Variants in MAF observed in about 807,000 individuals in gnomAD.
The protein encoded by MAF is MAF bZIP transcription factor, also known as transcription factor Maf.
MAF carries 10 observed loss-of-function variants against 22.0 expected under a neutral mutation model. The observed-to-expected ratio is 0.45, with a 90% CI of 0.28 to 0.77. MAF has a LOEUF of 0.77. Ranked by LOEUF, MAF falls within the 30% of genes least tolerant of loss-of-function variation. The probability of loss-of-function intolerance (pLI) is 0.12; values close to 1 mark genes in which losing one functional copy is unlikely to be tolerated. For synonymous variants in MAF, 337 were observed against 255.8 expected, an observed-to-expected ratio of 1.32 and a Z score of -3.03; for missense variants, 544 against 548.4, an observed-to-expected ratio of 0.99 and a Z score of 0.08.
chr16:79,286,947 C>A, the MAF span, among the ~76,000 whole-genome samples: 33 of 152,212 alleles, frequency 2.2e-4, 1 homozygote, highest in African/African-American at 4.8e-4. Flanking sequence ...TGGCAAAAAA[C>A]CAAAAAACAA....
chr16:79,374,753 G>C, the MAF span, among the ~76,000 whole-genome samples: 1 of 152,130 alleles, frequency 6.6e-6, no homozygotes, highest in African/African-American at 2.4e-5. Context: ...AATTGGAAGA[G>C]GTAATTTATT....
At chr16:79,221,560 G>T in the MAF span, among the ~76,000 whole-genome samples, 1 of 152,294 alleles carries the variant, frequency 6.6e-6, no homozygotes, top group East Asian at 1.9e-4. Context: ...AAATCACTAT[G>T]ATCCTTATTA....
chr16:79,512,019 A>G, the MAF span, among the ~76,000 whole-genome samples: 4 of 152,194 alleles, frequency 2.6e-5, no homozygotes, highest in Non-Finnish European at 5.9e-5. Flanking sequence ...CCTGACACCC[A>G]GTGCACGAAC....
the MAF span, among the ~76,000 whole-genome samples, chr16:79,496,603 A>G: frequency 2.0e-5 from 3 of 152,350 alleles, no homozygotes; most frequent in Admixed American, 2.0e-4. Context: ...GCCTTCATCT[A>G]TATAAATCGA....
chr16:79,335,843 G>A, the MAF span, among the ~76,000 whole-genome samples: 10 of 152,204 alleles, frequency 6.6e-5, no homozygotes, highest in African/African-American at 2.2e-4. Context: ...GCTCAGAGGG[G>A]ACAAGAGGCA....
the MAF span, among the ~76,000 whole-genome samples, chr16:79,476,207 A>G: frequency 6.6e-6 from 1 of 152,162 alleles, no homozygotes; most frequent in African/African-American, 2.4e-5. Flanking sequence ...AAAGACCTGG[A>G]GCCAGAGATG....
the MAF span, among the ~76,000 whole-genome samples, chr16:79,563,689 T>A: frequency 3.9e-5 from 6 of 152,244 alleles, no homozygotes; most frequent in Non-Finnish European, 8.8e-5. Context: ...TGGCTTACAT[T>A]ATATTTCTTA....
downstream of MAF, among the ~76,000 whole-genome samples, chr16:79,589,281 A>G (rs1567559098): frequency 6.6e-6 from 1 of 152,208 alleles, no homozygotes; most frequent in African/African-American, 2.4e-5. Context: ...AAATCCAAGA[A>G]TGCAGGCAGG....
chr16:79,489,975 T>A, the MAF span, among the ~76,000 whole-genome samples: 3 of 152,002 alleles, frequency 2.0e-5, no homozygotes, highest in African/African-American at 7.3e-5. Flanking sequence ...AGGTAGAGCA[T>A]AAGGTAGATG....
the MAF span, among the ~76,000 whole-genome samples, chr16:79,473,376 G>A: frequency 1.3e-5 from 2 of 152,086 alleles, no homozygotes; most frequent in African/African-American, 2.4e-5. Context: ...AACAATTCAG[G>A]GTCCGTCCTA....
the MAF span, among the ~76,000 whole-genome samples, chr16:79,514,642 C>G: frequency 1.3e-5 from 2 of 152,142 alleles, no homozygotes; most frequent in Non-Finnish European, 2.9e-5. Context: ...AAACTAAGAT[C>G]TATAACTCCT....
At chr16:79,207,347 C>G in the MAF span, among the ~76,000 whole-genome samples, 2 of 152,216 alleles carry the variant, frequency 1.3e-5, no homozygotes, top group South Asian at 2.1e-4. Flanking sequence ...TCCTTTTAGC[C>G]AAACCTGCTC....
At chr16:79,473,115 C>T in the MAF span, among the ~76,000 whole-genome samples, 5 of 151,972 alleles carry the variant, frequency 3.3e-5, no homozygotes, top group South Asian at 2.1e-4. Context: ...TTGATGGTGT[C>T]GATGGCCATC....
chr16:79,385,568 T>A, the MAF span, among the ~76,000 whole-genome samples: 2 of 152,194 alleles, frequency 1.3e-5, no homozygotes, highest in Admixed American at 1.3e-4. Context: ...ACTTTACACG[T>A]TGTGTTCTTA....
chr16:79,354,876 C>A, the MAF span, among the ~76,000 whole-genome samples: 38 of 152,200 alleles, frequency 2.5e-4, no homozygotes, highest in African/African-American at 8.9e-4. Flanking sequence ...ACAAAACACA[C>A]CATGTGTATG....
the MAF span, among the ~76,000 whole-genome samples, chr16:79,428,641 A>G: frequency 1.4e-4 from 22 of 152,056 alleles, no homozygotes; most frequent in African/African-American, 5.3e-4. Flanking sequence ...GGGTTTTGAG[A>G]CCAGCCTGAG....
the MAF span, among the ~76,000 whole-genome samples, chr16:79,256,337 C>A: frequency 6.6e-6 from 1 of 151,948 alleles, no homozygotes; most frequent in South Asian, 2.1e-4. Flanking sequence ...AGGGATAAAT[C>A]GAGCAGGTAG....
At chr16:79,471,666 G>A in the MAF span, among the ~76,000 whole-genome samples, 1 of 152,158 alleles carries the variant, frequency 6.6e-6, no homozygotes, top group Admixed American at 6.5e-5. Context: ...ATCACGGCAA[G>A]GCACTGTCTC....
At chr16:79,290,013 C>T in the MAF span, among the ~76,000 whole-genome samples, 9 of 151,712 alleles carry the variant, frequency 5.9e-5, no homozygotes, top group South Asian at 2.1e-4. Context: ...CCTGCCACCA[C>T]GCCCAACTAA....
Sources: gnomAD v4.1 joint callset for allele counts (sites outside exome capture counted in the v4.1 genomes callset) on GRCh38, gnomAD v4.1.1 for gene constraint, MANE v1.5 for transcripts, NCBI Gene and HGNC (gene_info 2026-07-23, HGNC 2026-07-21) for gene names.